AHI1: variants seen among roughly 807,000 people sequenced by gnomAD.
AHI1 encodes the protein jouberin.
A neutral mutation model predicts 149.3 loss-of-function variants in AHI1; 123 were observed. The ratio of observed to expected loss-of-function variants is 0.82; its 90% CI spans 0.71 to 0.96. AHI1 has a LOEUF of 0.96. AHI1 is among the 40% of genes least tolerant of loss of function. The probability of loss-of-function intolerance (pLI) is 0.00; values close to 1 mark genes in which losing one functional copy is unlikely to be tolerated. For synonymous variants in AHI1, 475 were observed against 459.8 expected (o/e 1.03, Z -0.42); for missense variants, 1,439 against 1,422.7 (o/e 1.01, Z -0.18).
At chr6:135,423,852 A>G (rs1783565778) in intron 20 of AHI1, among the ~76,000 whole-genome samples, 1 of 152,120 alleles carries the variant, frequency 6.6e-6, no homozygotes, top group Non-Finnish European at 1.5e-5. Context: ...ATTGCCACCT[A>G]GCGAAAAATC....
chr6:135,464,384 A>G (rs1489014866), intron 7 of AHI1, among the ~76,000 whole-genome samples: 4 of 152,148 alleles, frequency 2.6e-5, no homozygotes, highest in African/African-American at 9.7e-5. Context: ...AGTCTACCAC[A>G]GAGGTGGTAG....
At chr6:135,371,289 C>T (rs1464664708) in intron 23 of AHI1, among the ~76,000 whole-genome samples, 2 of 152,096 alleles carry the variant, frequency 1.3e-5, no homozygotes, top group Non-Finnish European at 2.9e-5. Context: ...ATATGCCTTC[C>T]TTTGGATAAG....
At position 135,300,341 on chromosome 6, in the gene AHI1, G is replaced by A. The variant is rs79518333; in HGVS notation, c.3485+159C>T. On this transcript the variant is annotated intron_variant, in intron 27 of 28. Transcript: ENST00000265602. Reference sequence around the variant, plus strand: ...CTCTGTCTCCAAAAAAAAAAAAAAAGAAAAAAAAATCGTAAACAAGCTAAA... The same window carrying A: ...CTCTGTCTCCAAAAAAAAAAAAAAAAAAAAAAAAATCGTAAACAAGCTAAA... Among the ~76,000 whole-genome samples the A allele has an allele frequency of 0.019, 2,329 of 122,686 alleles. 69 individuals are homozygous for A. The highest frequency in any genetic ancestry group is 0.096 in the African/African-American group (1,996 of 20,808). The allele number at this position is 122,686 out of a possible 152,430, so 80.5% of individuals were successfully genotyped here.
intron 4 of AHI1, 35 bp from the exon 5 acceptor site, chr6:135,490,782 A>G: frequency 6.2e-7 from 1 of 1,607,232 alleles, no homozygotes; most frequent in Non-Finnish European, 8.5e-7. Context: ...TTTGTAAATG[A>G]CTCTATCATA....
At chr6:135,405,010 C>A in intron 21 of AHI1, 33 bp from the exon 22 acceptor site, 1 of 1,560,318 alleles carries the variant, frequency 6.4e-7, no homozygotes, top group South Asian at 1.1e-5. Flanking sequence ...AGGAAGTATT[C>A]ATAATTTCAT....
At chr6:135,432,337 C>T (rs1160012095) in intron 16 of AHI1, among the ~76,000 whole-genome samples, 1 of 152,174 alleles carries the variant, frequency 6.6e-6, no homozygotes, top group South Asian at 2.1e-4. Context: ...TTACGTTTTA[C>T]ATCTTTAAAA....
intron 24 of AHI1, among the ~76,000 whole-genome samples, chr6:135,329,074 G>A (rs1047968389): frequency 7.9e-5 from 12 of 152,210 alleles, no homozygotes; most frequent in African/African-American, 2.7e-4. Context: ...CATGAAGTGT[G>A]AAGAAAGAAG....
intron 13 of AHI1, among the ~76,000 whole-genome samples, chr6:135,445,864 G>A (rs1787114971): frequency 6.6e-6 from 1 of 152,104 alleles, no homozygotes; most frequent in African/African-American, 2.4e-5. Context: ...AGACCATCCT[G>A]GCAAACATGG....
At chr6:135,430,762 G>A (rs1432734621) in intron 17 of AHI1, among the ~76,000 whole-genome samples, 1 of 151,906 alleles carries the variant, frequency 6.6e-6, no homozygotes, top group Non-Finnish European at 1.5e-5. Context: ...CAATTATTGT[G>A]ATTAAATGAC....
intron 23 of AHI1, among the ~76,000 whole-genome samples, chr6:135,369,769 T>C (rs1774754987): frequency 6.6e-6 from 1 of 152,176 alleles, no homozygotes. Flanking sequence ...TCTGTTGTTA[T>C]CTGCTGTTAT....
intron 10 of AHI1, among the ~76,000 whole-genome samples, chr6:135,453,688 C>T (rs1006944467): frequency 2.6e-5 from 4 of 152,006 alleles, no homozygotes; most frequent in Non-Finnish European, 4.4e-5. Context: ...AAGTGTTAAT[C>T]ACCTCAAATA....
chr6:135,428,739 A>G lies in AHI1; in HGVS notation c.2513T>C (p.Val838Ala). The change falls in exon 19 of 29, where the codon GTA becomes GCA. Residue 838 changes from valine (V) to alanine (A), a missense_variant. Transcript: ENST00000265602. ...DLRILVARKF[V>A]GAANYREKIH... ...CTTCTCCCGATAATTTGCTGCTCCT[A>G]CAAACTTCCTTGCTACTAATCTACA... 6.2e-7 allele frequency: 1 copy of G among 1,604,412 alleles called. No homozygotes were observed. Among genetic ancestry groups the G allele is most frequent in the Non-Finnish European group, 8.5e-7 (1 of 1,174,570 alleles).
intron 23 of AHI1, chr6:135,387,760 A>C: frequency 8.2e-7 from 1 of 1,215,820 alleles, no homozygotes; most frequent in Non-Finnish European, 1.0e-6. Context: ...TCAAACTAAA[A>C]AAAAAAATCA....
chr6:135,323,756 A>G (rs1787231533), intron 24 of AHI1, among the ~76,000 whole-genome samples: 1 of 152,214 alleles, frequency 6.6e-6, no homozygotes, highest in South Asian at 2.1e-4. Flanking sequence ...CAATGGAACA[A>G]TCTGATTGTA....
At chr6:135,320,450 T>C (rs1786640939) in intron 25 of AHI1, among the ~76,000 whole-genome samples, 1 of 152,220 alleles carries the variant, frequency 6.6e-6, no homozygotes, top group Non-Finnish European at 1.5e-5. Flanking sequence ...TTTTATTAGC[T>C]TTTAAAAAAA....
At chr6:135,476,288 T>C (rs1206722581) in intron 5 of AHI1, among the ~76,000 whole-genome samples, 4 of 152,262 alleles carry the variant, frequency 2.6e-5, no homozygotes, top group South Asian at 2.1e-4. Flanking sequence ...TCTAATTTGA[T>C]GCTGTTGTGG....
intron 28 of AHI1, among the ~76,000 whole-genome samples, chr6:135,287,130 G>C (rs548927757): frequency 6.6e-6 from 1 of 152,248 alleles, no homozygotes; most frequent in African/African-American, 2.4e-5. Context: ...AAACAGAAAA[G>C]GGAAGGGGGA....
intron 24 of AHI1, among the ~76,000 whole-genome samples, chr6:135,353,038 A>T (rs867628920): frequency 4.1e-4 from 62 of 152,164 alleles, no homozygotes; most frequent in African/African-American, 1.2e-3. Context: ...GAGGAAAAAA[A>T]GTCTAAGAAA....
At chr6:135,380,842 T>C (rs1304028100) in intron 23 of AHI1, among the ~76,000 whole-genome samples, 1 of 149,420 alleles carries the variant, frequency 6.7e-6, no homozygotes, top group Non-Finnish European at 1.5e-5. Flanking sequence ...TGAGATGGTG[T>C]GAACCCATTT....
Sources: gnomAD v4.1 joint callset for allele counts (sites outside exome capture counted in the v4.1 genomes callset) on GRCh38, gnomAD v4.1.1 for gene constraint, MANE v1.5 for transcripts, NCBI Gene and HGNC (gene_info 2026-07-23, HGNC 2026-07-21) for gene names.